The following NAV2 variants were observed in gnomAD, a reference collection of about 807,000 sequenced individuals.
The protein encoded by NAV2 is neuron navigator 2.
Under a neutral mutation model 223.2 loss-of-function variants are expected in NAV2, and 54 were observed. The observed-to-expected ratio is 0.24, with a 90% CI of 0.19 to 0.30. NAV2 has a LOEUF of 0.30. Ranked by LOEUF, NAV2 falls within the 10% of genes least tolerant of loss-of-function variation. NAV2 has a pLI of 1.00. For synonymous variants in NAV2, 1,279 were observed against 1,239.3 expected (o/e 1.03, Z -0.67); for missense variants, 2,806 against 3,147.5 (o/e 0.89, Z 2.60).
intron 1 of NAV2, among the ~76,000 whole-genome samples, chr11:19,513,436 C>G (rs1253136711): frequency 6.6e-6 from 1 of 152,200 alleles, no homozygotes; most frequent in Admixed American, 6.5e-5. Context: ...CTGCCACACT[C>G]CTTTCATTGT....
At chr11:19,834,973 A>G (rs1409688507) in intron 2 of NAV2, among the ~76,000 whole-genome samples, 1 of 152,258 alleles carries the variant, frequency 6.6e-6, no homozygotes, top group Non-Finnish European at 1.5e-5. Context: ...AAAGGTATGT[A>G]TGGAAGGATG....
intron 1 of NAV2, among the ~76,000 whole-genome samples, chr11:19,610,803 G>A (rs1450563819): frequency 1.3e-5 from 2 of 151,512 alleles, no homozygotes; most frequent in African/African-American, 4.9e-5. Flanking sequence ...GATGGATGGG[G>A]CAGTGGATGG....
chr11:20,038,929 A>T (rs773123273), intron 12 of NAV2, among the ~76,000 whole-genome samples: 22 of 152,224 alleles, frequency 1.4e-4, no homozygotes, highest in Non-Finnish European at 2.6e-4. Flanking sequence ...GAGACGGATC[A>T]TTGGGAATGG....
intron 1 of NAV2, among the ~76,000 whole-genome samples, chr11:19,550,937 A>G (rs2044670254): frequency 6.6e-6 from 1 of 152,214 alleles, no homozygotes; most frequent in South Asian, 2.1e-4. Flanking sequence ...TTCTGCATAA[A>G]CCACCCCGTA....
chr11:20,032,721 C>G (rs1446514901), intron 11 of NAV2, among the ~76,000 whole-genome samples: 1 of 152,220 alleles, frequency 6.6e-6, no homozygotes, highest in Non-Finnish European at 1.5e-5. Context: ...CTAGGTGAAA[C>G]AGGCACAGAA....
intron 1 of NAV2, among the ~76,000 whole-genome samples, chr11:19,416,478 C>G (rs1372082677): frequency 1.3e-5 from 2 of 152,162 alleles, no homozygotes; most frequent in Admixed American, 6.5e-5. Flanking sequence ...ATTCCATGCT[C>G]ATGGATAGGA....
At chr11:19,754,609 C>T (rs2054089105) in intron 1 of NAV2, among the ~76,000 whole-genome samples, 1 of 152,210 alleles carries the variant, frequency 6.6e-6, no homozygotes, top group Non-Finnish European at 1.5e-5. Context: ...ACTCAGGTCC[C>T]TGGTTCTCCA....
At chr11:20,043,419 C>CCT (rs1267768976) in intron 12 of NAV2, among the ~76,000 whole-genome samples, 2 of 152,054 alleles carry the variant, frequency 1.3e-5, no homozygotes, top group East Asian at 3.9e-4. Context: ...GGCCCCTTTT[C>CCT]CTCTCTTCCC....
intron 1 of NAV2, among the ~76,000 whole-genome samples, chr11:19,546,842 G>A (rs1266296370): frequency 6.6e-6 from 1 of 152,144 alleles, no homozygotes; most frequent in African/African-American, 2.4e-5. Flanking sequence ...AACCCCAGCT[G>A]CAAACATTTT....
At position 19,550,017 on chromosome 11, in the gene NAV2, C is replaced by T. The variant is rs370721217; in HGVS notation, c.75+198990C>T. 1.6e-4 allele frequency among the ~76,000 whole-genome samples: 25 copies of T among 152,286 alleles called. 1 individual carries two copies. In the East Asian group the frequency reaches 3.3e-3, roughly 20 times the overall value. On this transcript the variant is annotated intron_variant, in intron 1 of 37. Coordinates refer to the NAV2 transcript ENST00000360655. ...TGCTGGCCTAGAGTCCTGCAGTTTGCGCCTCAGCCAGGGAGGGAGGACATA... is the reference window on the plus strand; with the variant it reads ...TGCTGGCCTAGAGTCCTGCAGTTTGTGCCTCAGCCAGGGAGGGAGGACATA...
At chr11:19,643,075 A>G (rs1350394010) in intron 1 of NAV2, among the ~76,000 whole-genome samples, 1 of 152,184 alleles carries the variant, frequency 6.6e-6, no homozygotes, top group African/African-American at 2.4e-5. Flanking sequence ...GTGTATGCAT[A>G]CAGGGGGAAT....
At chr11:20,092,972 T>TTCCCCCC in intron 28 of NAV2, 127 bp from the exon 29 acceptor site, 1 of 165,378 alleles carries the variant, frequency 6.0e-6, no homozygotes, top group Non-Finnish European at 1.3e-5. Context: ...CCTCTTCCCC[T>TTCCCCCC]ACCCCCCCAC....
intron 1 of NAV2, among the ~76,000 whole-genome samples, chr11:19,548,016 C>A (rs874426): frequency 0.7 from 106,578 of 152,064 alleles, 39,597 homozygotes; most frequent in Non-Finnish European, 0.83. Flanking sequence ...ACCAGCCACA[C>A]ATCACCTAGC....
intron 1 of NAV2, among the ~76,000 whole-genome samples, chr11:19,604,766 T>C (rs1169350910): frequency 1.3e-5 from 2 of 152,204 alleles, no homozygotes; most frequent in East Asian, 3.9e-4. Context: ...GCAATTCCCA[T>C]GTGTCGTGAG....
At chr11:19,482,714 A>G (rs1436629697) in intron 1 of NAV2, among the ~76,000 whole-genome samples, 1 of 152,188 alleles carries the variant, frequency 6.6e-6, no homozygotes, top group Non-Finnish European at 1.5e-5. Flanking sequence ...GGGCAGTGGC[A>G]TGGAGGAGAA....
chr11:19,741,870 A>G (rs969648055), intron 1 of NAV2, among the ~76,000 whole-genome samples: 1 of 152,042 alleles, frequency 6.6e-6, no homozygotes, highest in Non-Finnish European at 1.5e-5. Context: ...GTATATACCC[A>G]GAAGGGGGAT....
At chr11:19,937,472 T>G (rs2585767) in intron 7 of NAV2, among the ~76,000 whole-genome samples, 2 of 152,106 alleles carry the variant, frequency 1.3e-5, no homozygotes, top group African/African-American at 4.8e-5. Context: ...GAAGTAACAG[T>G]GGATTCATCT....
At chr11:19,537,182 G>A (rs7481868) in intron 1 of NAV2, among the ~76,000 whole-genome samples, 2 of 152,022 alleles carry the variant, frequency 1.3e-5, no homozygotes, top group South Asian at 4.2e-4. Context: ...TGTTGATGTA[G>A]GCACTACTAT....
intron 11 of NAV2, among the ~76,000 whole-genome samples, chr11:20,020,302 TAAC>T (rs908394744): frequency 6.6e-6 from 1 of 152,240 alleles, no homozygotes; most frequent in Non-Finnish European, 1.5e-5. Flanking sequence ...CTGGAAACCT[TAAC>T]ATCACTGATA....
Sources: gnomAD v4.1 joint callset for allele counts (sites outside exome capture counted in the v4.1 genomes callset) on GRCh38, gnomAD v4.1.1 for gene constraint, MANE v1.5 for transcripts, NCBI Gene and HGNC (gene_info 2026-07-23, HGNC 2026-07-21) for gene names.